The following ADGRL3 variants were observed in gnomAD, a reference collection of about 807,000 sequenced individuals.
ADGRL3 encodes adhesion G protein-coupled receptor L3.
A neutral mutation model predicts 153.5 loss-of-function variants in ADGRL3; 62 were observed. The observed-to-expected ratio is 0.40, with a 90% confidence interval of 0.33 to 0.50. The LOEUF (loss-of-function observed/expected upper bound fraction) is 0.50, where lower values mean the gene tolerates loss of function less well. ADGRL3 is among the 20% of genes least tolerant of loss of function. The pLI, the probability that ADGRL3 is intolerant of heterozygous loss-of-function variation, is 0.47. For missense variants in ADGRL3, 1,641 were observed against 1,859.4 expected (o/e 0.88, Z 2.16); for synonymous variants, 710 against 672.5 (o/e 1.06, Z -0.86).
chr4:61,480,419 A>G (rs183707254), intron 2 of ADGRL3, among the ~76,000 whole-genome samples: 1 of 152,268 alleles, frequency 6.6e-6, no homozygotes, highest in Admixed American at 6.5e-5. Context: ...CATTTTCTAT[A>G]TCAGTTTGTT....
intron 2 of ADGRL3, among the ~76,000 whole-genome samples, chr4:61,445,248 G>A (rs1021572468): frequency 2.6e-5 from 4 of 152,142 alleles, no homozygotes; most frequent in African/African-American, 9.7e-5. Context: ...GCAAAGAATT[G>A]TGAAGTTAGC....
intron 6 of ADGRL3, among the ~76,000 whole-genome samples, chr4:61,695,840 GCCTCT>G (rs1580325867): frequency 1.3e-5 from 2 of 152,206 alleles, no homozygotes; most frequent in Non-Finnish European, 2.9e-5. Context: ...ACTTGCTGCA[GCCTCT>G]CCATCAGAAT....
intron 5 of ADGRL3, among the ~76,000 whole-genome samples, chr4:61,595,600 G>T (rs575315131): frequency 1.3e-5 from 2 of 152,230 alleles, no homozygotes; most frequent in African/African-American, 4.8e-5. Context: ...AGTAACTTTT[G>T]TTGCTACAAG....
At chr4:62,028,469 T>C (rs1168369652) in intron 21 of ADGRL3, among the ~76,000 whole-genome samples, 1 of 151,734 alleles carries the variant, frequency 6.6e-6, no homozygotes, top group Non-Finnish European at 1.5e-5. Flanking sequence ...TAAGAATACC[T>C]TTAGGTGACA....
intron 4 of ADGRL3, among the ~76,000 whole-genome samples, chr4:61,561,878 A>G (rs111576984): frequency 1.3e-4 from 20 of 152,142 alleles, no homozygotes; most frequent in Non-Finnish European, 2.8e-4. Flanking sequence ...AGCCTTAAGC[A>G]ATCGTACCAC....
At chr4:61,887,632 G>T (rs1324499277) in intron 9 of ADGRL3, among the ~76,000 whole-genome samples, 2 of 152,124 alleles carry the variant, frequency 1.3e-5, no homozygotes, top group African/African-American at 2.4e-5. Flanking sequence ...AGATCGCAAG[G>T]TCAAGAGATC....
At chr4:61,487,462 T>C (rs2098209071) in intron 2 of ADGRL3, among the ~76,000 whole-genome samples, 1 of 152,088 alleles carries the variant, frequency 6.6e-6, no homozygotes, top group Non-Finnish European at 1.5e-5. Flanking sequence ...TAGTAGTTAT[T>C]ATTAGGAAGA....
intron 25 of ADGRL3, among the ~76,000 whole-genome samples, chr4:62,056,086 A>G (rs1736856898): frequency 1.3e-5 from 2 of 151,692 alleles, no homozygotes; most frequent in Non-Finnish European, 3.0e-5. Flanking sequence ...AGATTTAAAT[A>G]TATTTAAATA....
At chr4:61,291,611 CAT>C (rs1352050467) in intron 1 of ADGRL3, among the ~76,000 whole-genome samples, 118 of 9,640 alleles carry the variant, frequency 0.012, no homozygotes, top group Middle Eastern at 0.056. Context: ...TATACACACA[CAT>C]ATATATATAT....
At chr4:61,660,750 G>A (rs1000815772) in intron 5 of ADGRL3, among the ~76,000 whole-genome samples, 2 of 152,044 alleles carry the variant, frequency 1.3e-5, no homozygotes, top group East Asian at 1.9e-4. Flanking sequence ...GTGCTAAGAG[G>A]TGTCTTTCTT....
At chr4:62,063,592 C>T (rs770519049) in intron 25 of ADGRL3, 39 of 698,208 alleles carry the variant, frequency 5.6e-5, no homozygotes, top group East Asian at 2.4e-4. Context: ...GGGGAACCGG[C>T]GGTCTGTAAC....
At chr4:61,759,543 T>C (rs531743411) in intron 8 of ADGRL3, among the ~76,000 whole-genome samples, 50 of 152,328 alleles carry the variant, frequency 3.3e-4, no homozygotes, top group African/African-American at 1.1e-3. Context: ...AGGAGTTCTC[T>C]GCATTGGTTA....
intron 5 of ADGRL3, among the ~76,000 whole-genome samples, chr4:61,627,569 T>A (rs1310546055): frequency 1.3e-5 from 2 of 152,058 alleles, no homozygotes; most frequent in African/African-American, 4.8e-5. Flanking sequence ...TGCAGTGCGC[T>A]GTGATCATGC....
intron 9 of ADGRL3, among the ~76,000 whole-genome samples, chr4:61,833,447 T>G (rs1473258274): frequency 6.6e-6 from 1 of 151,638 alleles, no homozygotes; most frequent in Non-Finnish European, 1.5e-5. Flanking sequence ...GGGATCAGAG[T>G]TTTTAAGGAC....
chr4:61,962,752 T>C (rs1356915653), intron 17 of ADGRL3, among the ~76,000 whole-genome samples: 2 of 152,182 alleles, frequency 1.3e-5, no homozygotes, highest in Non-Finnish European at 2.9e-5. Context: ...TACAGAAACA[T>C]TGAACTTTTT....
intron 8 of ADGRL3, among the ~76,000 whole-genome samples, chr4:61,759,275 T>A (rs912315071): frequency 6.6e-6 from 1 of 152,208 alleles, no homozygotes; most frequent in Non-Finnish European, 1.5e-5. Flanking sequence ...GTTTTCCAAC[T>A]TGGTTCCATT....
chr4:61,961,645 C>T (rs1465348466), intron 17 of ADGRL3, among the ~76,000 whole-genome samples: 1 of 151,824 alleles, frequency 6.6e-6, no homozygotes, highest in East Asian at 2.0e-4. Flanking sequence ...CATTACTTAT[C>T]TCTGTGAAGT....
At chr4:62,033,629 A>G (rs1382252439) in intron 23 of ADGRL3, among the ~76,000 whole-genome samples, 1 of 151,724 alleles carries the variant, frequency 6.6e-6, no homozygotes, top group African/African-American at 2.4e-5. Flanking sequence ...GATGCAAAAA[A>G]TGTGAGCAAA....
At chr4:61,654,886 G>T (rs909010154) in intron 5 of ADGRL3, among the ~76,000 whole-genome samples, 6 of 152,018 alleles carry the variant, frequency 3.9e-5, no homozygotes, top group Admixed American at 1.3e-4. Context: ...AACAGAGCGA[G>T]ACTCCATCTC....
Sources: allele counts gnomAD v4.1 joint callset (sites outside exome capture counted in the v4.1 genomes callset), GRCh38; gene constraint gnomAD v4.1.1; transcripts MANE v1.5; gene names NCBI Gene and HGNC (gene_info 2026-07-23, HGNC 2026-07-21).